NPAS3: variants seen among roughly 807,000 people sequenced by gnomAD.
NPAS3 encodes the protein neuronal PAS domain protein 3.
In NPAS3, 14 loss-of-function variants were observed where a neutral mutation model predicts 73.1. The observed-to-expected ratio is 0.19, with a 90% CI of 0.13 to 0.30. The LOEUF (loss-of-function observed/expected upper bound fraction) is 0.30. NPAS3 is among the 10% of genes least tolerant of loss of function. The probability of loss-of-function intolerance (pLI) is 1.00; values close to 1 mark genes in which losing one functional copy is unlikely to be tolerated. For missense variants in NPAS3, 1,096 were observed against 1,250.0 expected (o/e 0.88, Z 1.86); for synonymous variants, 620 against 541.5 (o/e 1.14, Z -2.01).
intron 2 of NPAS3, among the ~76,000 whole-genome samples, chr14:33,133,552 T>C (rs2043720464): frequency 6.6e-6 from 1 of 152,172 alleles, no homozygotes; most frequent in Non-Finnish European, 1.5e-5. Flanking sequence ...TAAGTGCCAG[T>C]CAATGACTAA....
At chr14:33,149,364 T>C (rs1302684328) in intron 2 of NPAS3, among the ~76,000 whole-genome samples, 1 of 152,228 alleles carries the variant, frequency 6.6e-6, no homozygotes, top group Non-Finnish European at 1.5e-5. Flanking sequence ...AAGTTTTTCT[T>C]CAATAATATT....
intron 7 of NPAS3, among the ~76,000 whole-genome samples, chr14:33,738,199 G>A (rs1274805758): frequency 1.3e-5 from 2 of 152,136 alleles, no homozygotes; most frequent in African/African-American, 2.4e-5. Flanking sequence ...TGCAGGTGAT[G>A]AAACTGAGGT....
chr14:32,987,201 T>A (rs2038134669), intron 1 of NPAS3, among the ~76,000 whole-genome samples: 1 of 151,646 alleles, frequency 6.6e-6, no homozygotes, highest in East Asian at 1.9e-4. Context: ...ATTGAGTGAC[T>A]AAAAATACAC....
chr14:33,284,838 G>A (rs1314791385), intron 3 of NPAS3, among the ~76,000 whole-genome samples: 2 of 151,408 alleles, frequency 1.3e-5, no homozygotes, highest in Non-Finnish European at 2.9e-5. Context: ...ACATCTGCCT[G>A]TAGTAGTTAT....
intron 5 of NPAS3, among the ~76,000 whole-genome samples, chr14:33,564,381 T>C (rs2055816552): frequency 6.6e-6 from 1 of 152,146 alleles, no homozygotes; most frequent in African/African-American, 2.4e-5. Flanking sequence ...ATTATGACAT[T>C]GATTTGCTTC....
chr14:32,944,526 G>A (rs544812984), intron 1 of NPAS3, among the ~76,000 whole-genome samples: 5 of 152,198 alleles, frequency 3.3e-5, no homozygotes, highest in South Asian at 4.1e-4. Flanking sequence ...GTTTGCATTC[G>A]GTGATGTTAG....
chr14:33,228,185 A>T (rs1483690764), intron 3 of NPAS3, among the ~76,000 whole-genome samples: 1 of 152,190 alleles, frequency 6.6e-6, no homozygotes, highest in Non-Finnish European at 1.5e-5. Context: ...AATGATATTA[A>T]TCAGAAGGAA....
At chr14:33,269,636 G>A (rs2040978168) in intron 3 of NPAS3, among the ~76,000 whole-genome samples, 1 of 152,128 alleles carries the variant, frequency 6.6e-6, no homozygotes, top group Non-Finnish European at 1.5e-5. Flanking sequence ...ATACAAGTCA[G>A]GGTGTTAGGA....
chr14:33,043,997 A>C (rs1346489757), intron 1 of NPAS3, among the ~76,000 whole-genome samples: 1 of 152,046 alleles, frequency 6.6e-6, no homozygotes, highest in Non-Finnish European at 1.5e-5. Context: ...CTTACATTTG[A>C]CTCTTATGTA....
chr14:33,516,250 T>C (rs1047697759), intron 4 of NPAS3, among the ~76,000 whole-genome samples: 6 of 152,110 alleles, frequency 3.9e-5, no homozygotes, highest in African/African-American at 1.4e-4. Flanking sequence ...AAACTTAAGA[T>C]CATAAAGTGA....
At chr14:32,977,410 A>G (rs1176474036) in intron 1 of NPAS3, among the ~76,000 whole-genome samples, 1 of 147,036 alleles carries the variant, frequency 6.8e-6, no homozygotes, top group East Asian at 2.0e-4. Context: ...ATGGAATTGT[A>G]AATAAAGGAG....
chr14:33,579,194 G>A (rs547874084), intron 5 of NPAS3, among the ~76,000 whole-genome samples: 1 of 152,342 alleles, frequency 6.6e-6, no homozygotes, highest in South Asian at 2.1e-4. Context: ...AGGCGAAGGT[G>A]TCTGCTCAGG....
chr14:33,286,728 T>C lies in NPAS3; in HGVS notation c.385+71302T>C, dbSNP rs2041891416. Among the ~76,000 whole-genome samples the C allele has an allele frequency of 2.0e-5, 3 of 152,182 alleles. No individual in the cohort carries two copies. The South Asian group carries it at 6.2e-4, about 32-fold the overall frequency. On this transcript the variant is annotated intron_variant, in intron 3 of 11. Coordinates refer to ENST00000356141, the Ensembl canonical transcript of NPAS3. ...GTTTTTTTATTAGGTAGTCTCTAAGTGCACCAGTTTCTTATAGCCTTCTCC... is the reference window on the plus strand; with the variant it reads ...GTTTTTTTATTAGGTAGTCTCTAAGCGCACCAGTTTCTTATAGCCTTCTCC...
intron 3 of NPAS3, among the ~76,000 whole-genome samples, chr14:33,292,708 G>T (rs1594617577): frequency 6.6e-6 from 1 of 152,124 alleles, no homozygotes; most frequent in South Asian, 2.1e-4. Flanking sequence ...TTCTTTAGTT[G>T]TTGGAGGGGG....
At chr14:33,565,173 A>C (rs570949990) in intron 5 of NPAS3, among the ~76,000 whole-genome samples, 1 of 152,308 alleles carries the variant, frequency 6.6e-6, no homozygotes, top group South Asian at 2.1e-4. Flanking sequence ...GGTTGTTTTA[A>C]ATTTGGTATT....
At chr14:33,583,843 A>G (rs1296139249) in intron 5 of NPAS3, among the ~76,000 whole-genome samples, 1 of 152,214 alleles carries the variant, frequency 6.6e-6, no homozygotes, top group Non-Finnish European at 1.5e-5. Flanking sequence ...ACTTTGCCAT[A>G]GCTGAGAATG....
At chr14:33,725,139 A>AAT (rs1314814459) in intron 6 of NPAS3, among the ~76,000 whole-genome samples, 1 of 152,168 alleles carries the variant, frequency 6.6e-6, no homozygotes, top group Non-Finnish European at 1.5e-5. Context: ...AATGTCTAAT[A>AAT]AAAGTATGGT....
chr14:33,175,894 G>A lies in NPAS3; in HGVS notation c.141-39288G>A, dbSNP rs148661113. ...ATTCTTTAGTAATGTTGAATCAATAGTATTTGAGTCTGGTTTTAAAACAAC... is the reference window on the plus strand; with the variant it reads ...ATTCTTTAGTAATGTTGAATCAATAATATTTGAGTCTGGTTTTAAAACAAC... On this transcript the variant is annotated intron_variant, in intron 2 of 11. Transcript: ENST00000356141. Among the ~76,000 whole-genome samples, 946 of 152,084 alleles carry A rather than the reference G, an allele frequency of 6.2e-3. 10 individuals are homozygous for A. The highest frequency in any genetic ancestry group is 0.022 in the African/African-American group (911 of 41,492).
At chr14:33,081,123 G>T (rs1349910212) in intron 2 of NPAS3, among the ~76,000 whole-genome samples, 1 of 152,098 alleles carries the variant, frequency 6.6e-6, no homozygotes, top group Non-Finnish European at 1.5e-5. Flanking sequence ...CCATAATAAC[G>T]TTTGTCCATA....
Sources: gnomAD v4.1 joint callset for allele counts (sites outside exome capture counted in the v4.1 genomes callset) on GRCh38, gnomAD v4.1.1 for gene constraint, MANE v1.5 for transcripts, NCBI Gene and HGNC (gene_info 2026-07-23, HGNC 2026-07-21) for gene names.